Variants in PRKAA2 observed in about 807,000 individuals in gnomAD.
PRKAA2 encodes 5'-AMP-activated protein kinase catalytic subunit alpha-2.
In PRKAA2, 40 loss-of-function variants were observed where a neutral mutation model predicts 56.3. That is an observed-to-expected ratio of 0.71 (90% CI 0.55 to 0.92). PRKAA2 has a LOEUF of 0.92. PRKAA2 is among the 40% of genes least tolerant of loss of function. PRKAA2 has a pLI of 0.00. For synonymous variants in PRKAA2, 214 were observed against 234.2 expected, an observed-to-expected ratio of 0.91 and a Z score of 0.79; for missense variants, 542 against 686.9, an observed-to-expected ratio of 0.79 and a Z score of 2.36.
chr1:56,646,483 GTAAC>G (rs1354178025), intron 1 of PRKAA2, among the ~76,000 whole-genome samples: 1 of 152,170 alleles, frequency 6.6e-6, no homozygotes, highest in African/African-American at 2.4e-5. Context: ...TTCGAGTTAA[GTAAC>G]TAGTAAGAAT....
chr1:56,660,660 T>A (rs966713477), intron 1 of PRKAA2, among the ~76,000 whole-genome samples: 2 of 152,088 alleles, frequency 1.3e-5, no homozygotes, highest in Admixed American at 6.6e-5. Context: ...GGAAACCTGA[T>A]TATTGAAGGG....
At chr1:56,671,914 A>G (rs190758556) in intron 1 of PRKAA2, among the ~76,000 whole-genome samples, 6 of 152,334 alleles carry the variant, frequency 3.9e-5, no homozygotes, top group South Asian at 2.1e-4. Context: ...ATAATAAACA[A>G]TAAATGTCAT....
intron 2 of PRKAA2, among the ~76,000 whole-genome samples, chr1:56,678,916 G>T (rs1415407786): frequency 7.9e-5 from 12 of 152,080 alleles, no homozygotes; most frequent in Non-Finnish European, 1.5e-4. Flanking sequence ...GGATGGCCTT[G>T]ATCTCTTGAC....
At chr1:56,668,293 T>C (rs1241684507) in intron 1 of PRKAA2, among the ~76,000 whole-genome samples, 1 of 150,290 alleles carries the variant, frequency 6.7e-6, no homozygotes. Context: ...AGGGATAGCA[T>C]TGGGAGATAT....
intron 2 of PRKAA2, among the ~76,000 whole-genome samples, chr1:56,677,261 G>C (rs2796494): frequency 4.6e-5 from 7 of 152,220 alleles, no homozygotes; most frequent in Admixed American, 4.6e-4. Flanking sequence ...CATTATTCCA[G>C]ATGGTTTTCA....
chr1:56,658,405 C>G (rs1388972276), intron 1 of PRKAA2, among the ~76,000 whole-genome samples: 1 of 152,010 alleles, frequency 6.6e-6, no homozygotes, highest in Non-Finnish European at 1.5e-5. Flanking sequence ...ACATAAGGAC[C>G]AGAGTTGGAA....
chr1:56,705,875 C>A (rs567061421), intron 7 of PRKAA2, among the ~76,000 whole-genome samples: 1 of 152,162 alleles, frequency 6.6e-6, no homozygotes, highest in East Asian at 1.9e-4. Context: ...TCTTCAGTAC[C>A]CCAAATTTAT....
intron 4 of PRKAA2, among the ~76,000 whole-genome samples, chr1:56,693,321 G>A (rs534451538): frequency 1.6e-4 from 24 of 152,092 alleles, no homozygotes; most frequent in African/African-American, 5.5e-4. Flanking sequence ...AAAAACTTTT[G>A]GAACATAATC....
rs1553146924 is a variant in PRKAA2 at position 56,655,281 on chromosome 1, T to TATATATA, written c.94+9800_94+9801insATATATA. ...GTATTTATATATCTATATATATATA[T>TATATATA]TTTTTTTTTTTTTTTGTAGAGACAG... On this transcript the variant is annotated intron_variant, in intron 1 of 8. Coordinates refer to ENST00000371244, the MANE Select transcript of PRKAA2 (RefSeq NM_006252.4). Among the ~76,000 whole-genome samples, 430 of 77,038 alleles carry TATATATA rather than the reference T, an allele frequency of 5.6e-3. 7 individuals carry two copies. In the East Asian group the frequency reaches 0.11, roughly 19 times the overall value. The allele number at this position is 77,038 out of a possible 152,430, so 50.5% of individuals were successfully genotyped here.
chr1:56,703,492 A>T (rs1332116994), intron 6 of PRKAA2, among the ~76,000 whole-genome samples: 2 of 152,140 alleles, frequency 1.3e-5, no homozygotes, highest in African/African-American at 4.8e-5. Context: ...TACCTTCTTC[A>T]TTCAGTCTGT....
intron 6 of PRKAA2, among the ~76,000 whole-genome samples, chr1:56,702,240 C>A (rs999953021): frequency 6.6e-6 from 1 of 152,092 alleles, no homozygotes; most frequent in African/African-American, 2.4e-5. Context: ...TGTGCCACCA[C>A]GCCCGGCTAA....
intron 6 of PRKAA2, among the ~76,000 whole-genome samples, chr1:56,700,258 A>G (rs1284942260): frequency 6.6e-6 from 1 of 152,118 alleles, no homozygotes; most frequent in East Asian, 1.9e-4. Flanking sequence ...TTAGATAACA[A>G]TTTCCTTAAA....
At chr1:56,699,063 G>A (rs182419099) in intron 6 of PRKAA2, among the ~76,000 whole-genome samples, 86 of 152,212 alleles carry the variant, frequency 5.7e-4, no homozygotes, top group African/African-American at 2.0e-3. Flanking sequence ...TAGAATTTTG[G>A]GGAGCGTAGT....
chr1:56,711,674 T>C lies in PRKAA2; in HGVS notation c.*3961T>C, dbSNP rs535910186. 8.1e-4 allele frequency: 123 copies of C among 152,294 alleles called. No individual in the cohort carries two copies. Among genetic ancestry groups the C allele is most frequent in the African/African-American group, 2.7e-3 (114 of 41,578 alleles). 9.4% of individuals were successfully genotyped at this position (152,294 alleles called of 1,614,324 possible). On this transcript the variant is annotated 3_prime_UTR_variant, in exon 9 of 9. Coordinates refer to ENST00000371244, the MANE Select transcript of PRKAA2 (RefSeq NM_006252.4). ...TAATAGTAGTTCTCAAAGACTCTAT[T>C]AAAAACTCTGGACGAGGGATATGTG...
At chr1:56,668,378 A>C (rs1012189676) in intron 1 of PRKAA2, among the ~76,000 whole-genome samples, 2 of 150,240 alleles carry the variant, frequency 1.3e-5, no homozygotes, top group Non-Finnish European at 3.0e-5. Context: ...ACAAACCTGC[A>C]CATTGTGCAC....
chr1:56,676,845 A>G (rs148804960), intron 2 of PRKAA2, among the ~76,000 whole-genome samples: 276 of 152,252 alleles, frequency 1.8e-3, no homozygotes, highest in African/African-American at 6.4e-3. Context: ...ATTGGTGTGG[A>G]TGACCGGTGA....
At position 56,704,431 on chromosome 1, in the gene PRKAA2, G is replaced by A. The variant is rs995187567; in HGVS notation, c.1249G>A (p.Ala417Thr). The change falls in exon 7 of 9, where the codon GCT (alanine) becomes ACT (threonine). Residue 417 changes from alanine to threonine, a missense_variant. Coordinates refer to ENST00000371244, the MANE Select transcript of PRKAA2 (RefSeq NM_006252.4). ...RSQSKPYDIM[A>T]EVYRAMKQLD... ...TCAGAGCAAACCGTATGACATTATG[G>A]CTGAAGTTTACCGAGCTATGAAGCA... The A allele has an allele frequency of 1.9e-6, 3 of 1,611,098 alleles. No homozygotes were observed. Among genetic ancestry groups the A allele is most frequent in the African/African-American group, 2.7e-5 (2 of 74,786 alleles).
At chr1:56,656,705 C>T (rs1460767648) in intron 1 of PRKAA2, among the ~76,000 whole-genome samples, 2 of 152,132 alleles carry the variant, frequency 1.3e-5, no homozygotes, top group Admixed American at 6.5e-5. Context: ...TACGGGCTTC[C>T]CAACTTCATG....
intron 1 of PRKAA2, among the ~76,000 whole-genome samples, chr1:56,661,506 T>G (rs1025393229): frequency 4.6e-5 from 7 of 152,196 alleles, no homozygotes; most frequent in African/African-American, 1.7e-4. Flanking sequence ...TTGCATGTAG[T>G]TGTAATTCAT....
Sources: gnomAD v4.1 joint callset for allele counts (sites outside exome capture counted in the v4.1 genomes callset) on GRCh38, gnomAD v4.1.1 for gene constraint, MANE v1.5 for transcripts, NCBI Gene and HGNC (gene_info 2026-07-23, HGNC 2026-07-21) for gene names.